Variants in C1orf105 observed in about 807,000 individuals in gnomAD.
The protein encoded by C1orf105 is uncharacterized protein C1orf105.
A neutral mutation model predicts 20.8 loss-of-function variants in C1orf105; 17 were observed. That is an observed-to-expected ratio of 0.82 (90% CI 0.56 to 1.23). The LOEUF is 1.23. C1orf105 is among the 50% of genes most tolerant of loss of function. C1orf105 has a pLI of 0.00. For missense variants in C1orf105, 219 were observed against 213.5 expected (o/e 1.03, Z -0.16); for synonymous variants, 72 against 72.1 (o/e 1.00, Z 0.01).
intron 3 of C1orf105, among the ~76,000 whole-genome samples, chr1:172,455,794 A>C (rs1431196321): frequency 6.6e-6 from 1 of 152,110 alleles, no homozygotes. Context: ...CAGGACTCAC[A>C]CACAAGCTTG....
At chr1:172,451,867 CTTTTTTTTT>C (rs11462736) in intron 3 of C1orf105, among the ~76,000 whole-genome samples, 1 of 85,196 alleles carries the variant, frequency 1.2e-5, no homozygotes, top group Non-Finnish European at 2.1e-5. Context: ...TATATGGATT[CTTTTTTTTT>C]TTTTTTTTTT....
At chr1:172,427,254 AC>A (rs1278117619) in intron 1 of C1orf105, among the ~76,000 whole-genome samples, 1 of 151,936 alleles carries the variant, frequency 6.6e-6, no homozygotes, top group Non-Finnish European at 1.5e-5. Flanking sequence ...GTATTCATCT[AC>A]TCTGTCTTCT....
chr1:172,451,011 C>T (rs1298184253), intron 3 of C1orf105: 3 of 152,362 alleles, frequency 2.0e-5, no homozygotes, highest in East Asian at 1.9e-4. Flanking sequence ...TGCAGGCATC[C>T]ACTCACGACT....
chr1:172,421,137 GAAA>G (rs904574206), intron 1 of C1orf105, among the ~76,000 whole-genome samples: 27 of 152,196 alleles, frequency 1.8e-4, no homozygotes, highest in African/African-American at 6.5e-4. Context: ...GTATAGTTTG[GAAA>G]AAATGTTGTA....
chr1:172,435,439 A>T (rs1416266286), intron 1 of C1orf105, among the ~76,000 whole-genome samples: 1 of 152,252 alleles, frequency 6.6e-6, no homozygotes, highest in Non-Finnish European at 1.5e-5. Flanking sequence ...GGCTGGTTCA[A>T]CATACGCAAA....
chr1:172,464,399 A>C (rs1649896411), intron 5 of C1orf105, among the ~76,000 whole-genome samples: 1 of 152,234 alleles, frequency 6.6e-6, no homozygotes, highest in South Asian at 2.1e-4. Flanking sequence ...CATGAAATGA[A>C]TGTAGAGCCT....
intron 3 of C1orf105, among the ~76,000 whole-genome samples, chr1:172,454,068 T>C (rs1200167738): frequency 1.3e-5 from 2 of 152,198 alleles, no homozygotes; most frequent in African/African-American, 4.8e-5. Context: ...GCTCTGAGAT[T>C]CCACTTCCTA....
At chr1:172,441,520 G>C in intron 1 of C1orf105, 1 of 426,268 alleles carries the variant, frequency 2.3e-6, no homozygotes, top group East Asian at 3.5e-5. Context: ...TAATTCAAGA[G>C]GTCCCCAGAA....
chr1:172,459,796 C>A (rs1649562917), intron 4 of C1orf105, among the ~76,000 whole-genome samples: 1 of 152,062 alleles, frequency 6.6e-6, no homozygotes. Context: ...GTGGAAATAA[C>A]CCAAATGCCT....
chr1:172,434,962 T>C (rs1312335703), intron 1 of C1orf105, among the ~76,000 whole-genome samples: 2 of 148,402 alleles, frequency 1.3e-5, no homozygotes, highest in South Asian at 2.1e-4. Context: ...GAGAATACTA[T>C]AAACACCTCT....
At chr1:172,434,902 T>C (rs1359873787) in intron 1 of C1orf105, among the ~76,000 whole-genome samples, 2 of 152,146 alleles carry the variant, frequency 1.3e-5, no homozygotes, top group Non-Finnish European at 2.9e-5. Flanking sequence ...CAATAAAAAA[T>C]GATAAAGGGG....
chr1:172,453,242 A>G, intron 3 of C1orf105: 1 of 1,530,886 alleles, frequency 6.5e-7, no homozygotes, highest in South Asian at 1.2e-5. Flanking sequence ...TGTAAAGTGT[A>G]AAGGGACAGG....
intron 1 of C1orf105, chr1:172,442,653 A>G (rs765469780): frequency 1.3e-6 from 2 of 1,576,750 alleles, no homozygotes; most frequent in Non-Finnish European, 1.7e-6. Flanking sequence ...GGCCAGTTTA[A>G]TCATCGCCCT....
At chr1:172,460,371 G>T (rs1649602966) in intron 4 of C1orf105, among the ~76,000 whole-genome samples, 1 of 151,922 alleles carries the variant, frequency 6.6e-6, no homozygotes, top group East Asian at 1.9e-4. Context: ...TTATGGTTGT[G>T]AATCACCAGT....
intron 4 of C1orf105, among the ~76,000 whole-genome samples, chr1:172,457,953 C>T (rs973064673): frequency 1.6e-4 from 25 of 152,234 alleles, no homozygotes; most frequent in African/African-American, 5.5e-4. Context: ...CCTCAAAGTC[C>T]TCCCAAGGGG....
chr1:172,434,945 A>G (rs1343816717), intron 1 of C1orf105, among the ~76,000 whole-genome samples: 2 of 152,226 alleles, frequency 1.3e-5, no homozygotes, highest in African/African-American at 2.4e-5. Flanking sequence ...AATACAAACT[A>G]CCATCAGAGA....
intron 3 of C1orf105, chr1:172,453,001 T>G: frequency 6.5e-7 from 1 of 1,549,806 alleles, no homozygotes; most frequent in Non-Finnish European, 8.7e-7. Context: ...GTTTCAGGGC[T>G]GGGAAAGAAA....
intron 3 of C1orf105, among the ~76,000 whole-genome samples, chr1:172,455,869 A>G (rs1313972376): frequency 6.6e-6 from 1 of 152,160 alleles, no homozygotes; most frequent in Non-Finnish European, 1.5e-5. Context: ...GTGCTGGACC[A>G]TGGATGCATG....
intron 6 of C1orf105, among the ~76,000 whole-genome samples, chr1:172,467,042 C>T (rs1190429606): frequency 1.3e-5 from 2 of 152,182 alleles, no homozygotes; most frequent in African/African-American, 4.8e-5. Context: ...TGTGTTCCCA[C>T]CTGTAAAACC....
Sources: gnomAD v4.1 joint callset for allele counts (sites outside exome capture counted in the v4.1 genomes callset) on GRCh38, gnomAD v4.1.1 for gene constraint, MANE v1.5 for transcripts, NCBI Gene and HGNC (gene_info 2026-07-23, HGNC 2026-07-21) for gene names.